Variants in PIGL observed in about 807,000 individuals in gnomAD.
The protein encoded by PIGL is N-acetylglucosaminyl-phosphatidylinositol de-N-acetylase.
In PIGL, 22 loss-of-function variants were observed where a neutral mutation model predicts 31.1. The ratio of observed to expected loss-of-function variants is 0.71; its 90% CI spans 0.51 to 1.01. The LOEUF (loss-of-function observed/expected upper bound fraction) is 1.01, where lower values mean the gene tolerates loss of function less well. Ranked by LOEUF, PIGL falls within the 50% of genes least tolerant of loss-of-function variation. The pLI is 0.00. For missense variants in PIGL, 302 were observed against 315.9 expected (o/e 0.96, Z 0.33); for synonymous variants, 131 against 117.4 (o/e 1.12, Z -0.75).
intron 1 of PIGL, among the ~76,000 whole-genome samples, chr17:16,223,549 C>G (rs1029275474): frequency 1.3e-5 from 2 of 151,780 alleles, no homozygotes; most frequent in South Asian, 4.2e-4. Flanking sequence ...TGCACTTCAG[C>G]CTGAGCGACA....
intron 2 of PIGL, among the ~76,000 whole-genome samples, chr17:16,252,080 C>CTT (rs1272293187): frequency 1.2e-5 from 1 of 84,950 alleles, no homozygotes; most frequent in African/African-American, 5.1e-5. Context: ...TTTTTTTTTT[C>CTT]TTTTTTTTTG....
intron 2 of PIGL, among the ~76,000 whole-genome samples, chr17:16,289,031 G>A (rs1413372212): frequency 6.6e-6 from 1 of 152,092 alleles, no homozygotes; most frequent in Non-Finnish European, 1.5e-5. Flanking sequence ...AGGTCTAGGT[G>A]CAAGGTACAA....
At chr17:16,275,841 T>C (rs934287486) in intron 2 of PIGL, among the ~76,000 whole-genome samples, 11 of 152,002 alleles carry the variant, frequency 7.2e-5, no homozygotes, top group African/African-American at 2.7e-4. Context: ...CTGGGCAACA[T>C]GGTGAAACCC....
intron 2 of PIGL, among the ~76,000 whole-genome samples, chr17:16,297,400 C>G (rs142248781): frequency 2.6e-5 from 4 of 152,330 alleles, no homozygotes; most frequent in African/African-American, 7.2e-5. Context: ...ACCTTAGCAC[C>G]TCAGAACAAC....
chr17:16,228,049 A>AC (rs1248387865), intron 1 of PIGL, among the ~76,000 whole-genome samples: 1 of 142,362 alleles, frequency 7.0e-6, no homozygotes, highest in Non-Finnish European at 1.5e-5. Context: ...ACCATTTTAA[A>AC]CTTTTTTTTT....
At chr17:16,234,273 C>A in intron 2 of PIGL, 1 of 455,454 alleles carries the variant, frequency 2.2e-6, no homozygotes, top group Non-Finnish European at 3.9e-6. Flanking sequence ...CCAGCCTGGC[C>A]AACATGGTAA....
chr17:16,277,094 A>G (rs774546043), intron 2 of PIGL, among the ~76,000 whole-genome samples: 9 of 152,144 alleles, frequency 5.9e-5, no homozygotes, highest in Non-Finnish European at 1.3e-4. Context: ...ACTTGTCATA[A>G]AGTGACATTC....
chr17:16,301,378 C>A (rs1177934875), intron 3 of PIGL, among the ~76,000 whole-genome samples: 117 of 151,562 alleles, frequency 7.7e-4, no homozygotes, highest in Non-Finnish European at 3.2e-4. Flanking sequence ...GATTCTCCTG[C>A]CTCAGCCTCC....
chr17:16,317,383 C>G (rs1006248393), intron 5 of PIGL: 15 of 956,350 alleles, frequency 1.6e-5, no homozygotes, highest in Non-Finnish European at 1.9e-5. Flanking sequence ...AAAACTGAGA[C>G]TGAGAGTGGT....
intron 6 of PIGL, among the ~76,000 whole-genome samples, chr17:16,320,594 A>G (rs867209217): frequency 2.0e-5 from 3 of 152,120 alleles, no homozygotes; most frequent in African/African-American, 7.2e-5. Flanking sequence ...ATAGAAACTC[A>G]GGATAATGAT....
At chr17:16,260,426 C>T (rs1268732681) in intron 2 of PIGL, among the ~76,000 whole-genome samples, 2 of 152,198 alleles carry the variant, frequency 1.3e-5, no homozygotes, top group African/African-American at 2.4e-5. Context: ...AAACCTCAGT[C>T]TCAGCCAGAT....
intron 2 of PIGL, among the ~76,000 whole-genome samples, chr17:16,269,544 G>A (rs548323256): frequency 2.6e-5 from 4 of 151,586 alleles, no homozygotes; most frequent in Non-Finnish European, 4.4e-5. Flanking sequence ...CCAGCTACTC[G>A]GGAGGCTGAG....
At chr17:16,231,543 AT>A (rs372107300) in intron 1 of PIGL, among the ~76,000 whole-genome samples, 3 of 151,240 alleles carry the variant, frequency 2.0e-5, no homozygotes, top group African/African-American at 4.9e-5. Context: ...CCCAGCTTTG[AT>A]TTTTTTTTAA....
chr17:16,308,389 G>A (rs769771120), intron 3 of PIGL, among the ~76,000 whole-genome samples: 3 of 152,294 alleles, frequency 2.0e-5, no homozygotes, highest in East Asian at 1.9e-4. Context: ...GGGGATAGTA[G>A]TGTCTTCTCT....
At chr17:16,325,662 A>G (rs1600875538) in intron 6 of PIGL, 138 bp from the exon 7 acceptor site, 2 of 667,824 alleles carry the variant, frequency 3.0e-6, no homozygotes, top group East Asian at 5.4e-5. Context: ...TTCGTGGGTT[A>G]CAGGAAGAAG....
chr17:16,236,466 A>G (rs2142686741), intron 2 of PIGL, among the ~76,000 whole-genome samples: 1 of 152,306 alleles, frequency 6.6e-6, no homozygotes, highest in East Asian at 1.9e-4. Flanking sequence ...TCCTGCTCCA[A>G]TTCTGAAATC....
intron 2 of PIGL, among the ~76,000 whole-genome samples, chr17:16,243,281 C>G (rs1056136001): frequency 1.3e-5 from 2 of 152,120 alleles, no homozygotes; most frequent in African/African-American, 2.4e-5. Context: ...AACTGCTGAC[C>G]TCAGGGGATC....
At chr17:16,289,864 C>A (rs1212304199) in intron 2 of PIGL, among the ~76,000 whole-genome samples, 1 of 152,182 alleles carries the variant, frequency 6.6e-6, no homozygotes, top group Non-Finnish European at 1.5e-5. Flanking sequence ...GCAACCTCCA[C>A]CTCCTGGGTT....
In PIGL at chr17:16,225,475, G is replaced by A. The variant is rs1411575727; in HGVS notation, c.235+8014G>A. Among the ~76,000 whole-genome samples the A allele has an allele frequency of 4.4e-5, 6 of 137,392 alleles. No individual in the cohort carries two copies. In the South Asian group the frequency reaches 7.2e-4, roughly 16 times the overall value. The allele number at this position is 137,392 out of a possible 152,430, so 90.1% of individuals were successfully genotyped here. ...ACAATCTCAGCTCACTGCAAGCTCC[G>A]CCTCCTGGGTTCACGCCATTCTCCT... On this transcript the variant is annotated intron_variant, in intron 1 of 6. Coordinates refer to ENST00000225609, the MANE Select transcript of PIGL (RefSeq NM_004278.4).
Sources: gnomAD v4.1 joint callset for allele counts (sites outside exome capture counted in the v4.1 genomes callset) on GRCh38, gnomAD v4.1.1 for gene constraint, MANE v1.5 for transcripts, NCBI Gene and HGNC (gene_info 2026-07-23, HGNC 2026-07-21) for gene names.